The following DGKB variants were observed in gnomAD, a reference collection of about 807,000 sequenced individuals.
The protein encoded by DGKB is diacylglycerol kinase beta, also known as 90 kDa diacylglycerol kinase.
Under a neutral mutation model 114.3 loss-of-function variants are expected in DGKB, and 67 were observed. The observed-to-expected ratio is 0.59, with a 90% CI of 0.48 to 0.72. DGKB has a LOEUF of 0.72. DGKB is among the 30% of genes least tolerant of loss of function. The pLI, the probability that DGKB is intolerant of heterozygous loss-of-function variation, is 0.00. For missense variants in DGKB, 907 were observed against 975.2 expected (o/e 0.93, Z 0.93); for synonymous variants, 398 against 323.1 (o/e 1.23, Z -2.49).
intron 9 of DGKB, among the ~76,000 whole-genome samples, chr7:14,693,371 C>A (rs374690410): frequency 6.6e-6 from 1 of 151,942 alleles, no homozygotes; most frequent in African/African-American, 2.4e-5. Flanking sequence ...AAGTCTGGGT[C>A]AGCAAGATTT....
chr7:14,774,763 TA>T (rs1837910914), intron 2 of DGKB, among the ~76,000 whole-genome samples: 1 of 152,192 alleles, frequency 6.6e-6, no homozygotes, highest in Non-Finnish European at 1.5e-5. Flanking sequence ...TTGAGATTTT[TA>T]AAAAACAATG....
intron 7 of DGKB, among the ~76,000 whole-genome samples, chr7:14,700,634 C>T (rs1412270763): frequency 6.6e-6 from 1 of 152,126 alleles, no homozygotes; most frequent in Admixed American, 6.5e-5. Flanking sequence ...TCTGGAGAAG[C>T]TAATGTACCA....
chr7:14,766,666 T>A (rs781211569), intron 2 of DGKB, among the ~76,000 whole-genome samples: 3 of 151,820 alleles, frequency 2.0e-5, no homozygotes, highest in Non-Finnish European at 4.4e-5. Context: ...TGAGTATAAT[T>A]TCTATATAAA....
chr7:14,521,627 T>G (rs1789788470), intron 20 of DGKB, among the ~76,000 whole-genome samples: 1 of 152,184 alleles, frequency 6.6e-6, no homozygotes, highest in South Asian at 2.1e-4. Context: ...TGTTATATCT[T>G]TTTTGAAATT....
intron 13 of DGKB, among the ~76,000 whole-genome samples, chr7:14,665,237 G>T (rs747404584): frequency 3.9e-5 from 6 of 151,946 alleles, no homozygotes; most frequent in Non-Finnish European, 8.8e-5. Flanking sequence ...GCAAGAGCAT[G>T]GATGGAGCTA....
chr7:14,688,111 T>C (rs1822039209), intron 9 of DGKB, among the ~76,000 whole-genome samples: 1 of 152,188 alleles, frequency 6.6e-6, no homozygotes, highest in Non-Finnish European at 1.5e-5. Flanking sequence ...TCTATTTTCA[T>C]GTCTTGTCTT....
At chr7:14,942,636 C>T (rs896078882) in intron 1 of DGKB, among the ~76,000 whole-genome samples, 5 of 151,862 alleles carry the variant, frequency 3.3e-5, no homozygotes, top group South Asian at 2.1e-4. Context: ...TAAAGCGCTC[C>T]GGCTCACTTC....
chr7:14,962,899 C>G (rs961119099), intron 1 of DGKB, among the ~76,000 whole-genome samples: 1 of 152,070 alleles, frequency 6.6e-6, no homozygotes, highest in Non-Finnish European at 1.5e-5. Flanking sequence ...AAGATATAAA[C>G]TATATTGACT....
At chr7:14,839,171 A>C (rs563265387) in intron 2 of DGKB, among the ~76,000 whole-genome samples, 1 of 152,146 alleles carries the variant, frequency 6.6e-6, no homozygotes, top group African/African-American at 2.4e-5. Context: ...GAGGACACAT[A>C]TCTCTTCATA....
chr7:14,677,716 G>A (rs1436010852), intron 12 of DGKB, among the ~76,000 whole-genome samples: 1 of 151,958 alleles, frequency 6.6e-6, no homozygotes, highest in Admixed American at 6.6e-5. Context: ...ACAGGTATAA[G>A]CAGTGGGATA....
chr7:14,488,584 C>T (rs1374758492), intron 20 of DGKB, among the ~76,000 whole-genome samples: 1 of 150,632 alleles, frequency 6.6e-6, no homozygotes, highest in Non-Finnish European at 1.5e-5. Context: ...CTTTGGGAGG[C>T]TGAGGTGGGC....
chr7:14,922,023 G>A (rs1002219789), intron 1 of DGKB, among the ~76,000 whole-genome samples: 13 of 152,008 alleles, frequency 8.6e-5, no homozygotes, highest in African/African-American at 3.1e-4. Context: ...CCTACAATAA[G>A]TGCATTTTTC....
chr7:14,151,487 T>C (rs1040012185), intron 25 of DGKB, among the ~76,000 whole-genome samples: 1 of 151,952 alleles, frequency 6.6e-6, no homozygotes, highest in Admixed American at 6.6e-5. Context: ...AATTACATGA[T>C]TTTATGCCTT....
chr7:14,464,050 A>G (rs1232203047), intron 21 of DGKB, among the ~76,000 whole-genome samples: 4 of 151,892 alleles, frequency 2.6e-5, no homozygotes, highest in African/African-American at 9.7e-5. Flanking sequence ...TTCCCCTAGT[A>G]AGATGTATAG....
chr7:14,173,828 G>A (rs980321342), intron 25 of DGKB, among the ~76,000 whole-genome samples: 1 of 152,012 alleles, frequency 6.6e-6, no homozygotes, highest in Non-Finnish European at 1.5e-5. Context: ...TATGATTCTT[G>A]GCCTACTGTA....
chr7:14,497,102 G>T (rs73285815), intron 20 of DGKB, among the ~76,000 whole-genome samples: 3 of 151,598 alleles, frequency 2.0e-5, no homozygotes, highest in Non-Finnish European at 4.4e-5. Context: ...AACCAAATAC[G>T]CATGTTCTTA....
chr7:14,899,038 T>A (rs1166751794), intron 1 of DGKB, among the ~76,000 whole-genome samples: 1 of 152,290 alleles, frequency 6.6e-6, no homozygotes, highest in South Asian at 2.1e-4. Context: ...TCTTAAAATA[T>A]TGTTTGGCTC....
At chr7:14,224,128 C>T (rs370350580) in intron 23 of DGKB, among the ~76,000 whole-genome samples, 7 of 151,550 alleles carry the variant, frequency 4.6e-5, no homozygotes, top group African/African-American at 1.7e-4. Context: ...CTCCTGCTTC[C>T]TCCTATCTTT....
At chr7:14,735,687 T>C (rs1046592493) in intron 5 of DGKB, among the ~76,000 whole-genome samples, 1 of 152,220 alleles carries the variant, frequency 6.6e-6, no homozygotes, top group Non-Finnish European at 1.5e-5. Flanking sequence ...TTAAATATTA[T>C]ACCTTTTTAG....
Sources: gnomAD v4.1 joint callset for allele counts (sites outside exome capture counted in the v4.1 genomes callset) on GRCh38, gnomAD v4.1.1 for gene constraint, MANE v1.5 for transcripts, NCBI Gene and HGNC (gene_info 2026-07-23, HGNC 2026-07-21) for gene names.